SGK1: variants seen among roughly 807,000 people sequenced by gnomAD.
The protein encoded by SGK1 is serine/threonine-protein kinase Sgk1.
SGK1 carries 26 observed loss-of-function variants against 64.2 expected under a neutral mutation model. The ratio of observed to expected loss-of-function variants is 0.40; its 90% CI spans 0.30 to 0.56. The LOEUF is 0.56. Among genes scored for constraint, SGK1 ranks in the 20% least tolerant of loss-of-function variants. SGK1 has a pLI of 0.38. For missense variants in SGK1, 519 were observed against 645.6 expected, an observed-to-expected ratio of 0.80 and a Z score of 2.12; for synonymous variants, 265 against 239.7, an observed-to-expected ratio of 1.11 and a Z score of -0.98.
chr6:134,294,515 T>C (rs1186740706), intron 1 of SGK1, among the ~76,000 whole-genome samples: 1 of 152,168 alleles, frequency 6.6e-6, no homozygotes, highest in African/African-American at 2.4e-5. Flanking sequence ...TGACCAAGTA[T>C]TTTACTTATA....
intron 2 of SGK1, among the ~76,000 whole-genome samples, chr6:134,251,059 G>C (rs925509180): frequency 6.6e-6 from 1 of 152,170 alleles, no homozygotes; most frequent in Non-Finnish European, 1.5e-5. Context: ...TTACAGGTGT[G>C]AGCCATTGCA....
At chr6:134,219,674 C>T (rs570372302) in intron 2 of SGK1, among the ~76,000 whole-genome samples, 6 of 140,190 alleles carry the variant, frequency 4.3e-5, no homozygotes, top group African/African-American at 1.6e-4. Flanking sequence ...GCAGGAGAAT[C>T]GCTTGAATGA....
At chr6:134,207,082 T>C (rs965025055) in intron 3 of SGK1, among the ~76,000 whole-genome samples, 6 of 151,224 alleles carry the variant, frequency 4.0e-5, no homozygotes, top group Non-Finnish European at 4.4e-5. Flanking sequence ...AAAAATTAGC[T>C]GGGCATGGTG....
Position 134,317,509 on chromosome 6 carries a change from T to C in SGK1, c.-49A>G, listed in dbSNP as rs1777704648. The C allele has an allele frequency of 2.7e-6, 3 of 1,113,018 alleles. No individual in the cohort carries two copies. Among genetic ancestry groups the C allele is most frequent in the Non-Finnish European group, 4.2e-6 (3 of 721,974 alleles). 68.9% of individuals were successfully genotyped at this position (1,113,018 alleles called of 1,614,324 possible). ...TTATAGATCCAGGTTGGCACCCGCC[T>C]GGTTAGTGCATATCTGTTTCCCCGG... On this transcript the variant is annotated 5_prime_UTR_variant, in exon 1 of 14. Coordinates refer to ENST00000367858, the MANE Select transcript of SGK1 (RefSeq NM_001143676.3).
chr6:134,256,454 C>T (rs1301396445), intron 2 of SGK1, among the ~76,000 whole-genome samples: 2 of 152,160 alleles, frequency 1.3e-5, no homozygotes, highest in East Asian at 1.9e-4. Context: ...CATCTTGATA[C>T]GATCCTATGT....
At chr6:134,254,603 C>T (rs1438946460) in intron 2 of SGK1, among the ~76,000 whole-genome samples, 1 of 152,142 alleles carries the variant, frequency 6.6e-6, no homozygotes, top group South Asian at 2.1e-4. Flanking sequence ...TCCTCCTTGA[C>T]TCATCTCCTC....
chr6:134,264,413 C>A (rs1385932225), intron 1 of SGK1, among the ~76,000 whole-genome samples: 1 of 152,100 alleles, frequency 6.6e-6, no homozygotes, highest in East Asian at 1.9e-4. Flanking sequence ...GCCACTGCGC[C>A]TGGCCATGAG....
chr6:134,204,812 C>T (rs925238247), intron 3 of SGK1, among the ~76,000 whole-genome samples: 2 of 152,152 alleles, frequency 1.3e-5, no homozygotes, highest in East Asian at 3.9e-4. Flanking sequence ...CCTTGGCCCC[C>T]CAAAGTGCTG....
At chr6:134,223,569 G>T (rs945796432) in intron 2 of SGK1, among the ~76,000 whole-genome samples, 9 of 152,040 alleles carry the variant, frequency 5.9e-5, no homozygotes, top group Non-Finnish European at 1.0e-4. Flanking sequence ...AATAGAAATC[G>T]GGATTTGGAT....
chr6:134,195,001 T>C (rs1775575788), intron 3 of SGK1, among the ~76,000 whole-genome samples: 1 of 152,222 alleles, frequency 6.6e-6, no homozygotes, highest in African/African-American at 2.4e-5. Flanking sequence ...CCATATTAGT[T>C]TGATTCAAAA....
At chr6:134,242,492 A>C (rs1300878069) in intron 2 of SGK1, among the ~76,000 whole-genome samples, 3 of 152,138 alleles carry the variant, frequency 2.0e-5, no homozygotes, top group Non-Finnish European at 4.4e-5. Context: ...TCTCAAAAAA[A>C]AAAAAGAATT....
At chr6:134,220,058 C>CAAAAAAAAAAAAAAAAA (rs55870107) in intron 2 of SGK1, among the ~76,000 whole-genome samples, 9 of 61,352 alleles carry the variant, frequency 1.5e-4, no homozygotes, top group African/African-American at 5.4e-4. Context: ...GACTCCGTCT[C>CAAAAAAAAAAAAAAAAA]AAAAAAAAAA....
At chr6:134,246,436 T>A (rs552535822) in intron 2 of SGK1, among the ~76,000 whole-genome samples, 1 of 151,710 alleles carries the variant, frequency 6.6e-6, no homozygotes, top group African/African-American at 2.4e-5. Flanking sequence ...GGATTACAGG[T>A]GTGAACCACC....
chr6:134,316,966 T>C (rs1341193453), intron 1 of SGK1, among the ~76,000 whole-genome samples: 1 of 152,104 alleles, frequency 6.6e-6, no homozygotes, highest in East Asian at 1.9e-4. Context: ...AAGATGATAA[T>C]GCATCACTTG....
At chr6:134,172,986 G>C (rs368058037) in intron 8 of SGK1, 37 bp downstream of exon 8, 122 of 1,588,118 alleles carry the variant, frequency 7.7e-5, no homozygotes, top group Admixed American at 1.1e-4. Flanking sequence ...AGGCTGTGCA[G>C]AGACACTAAG....
chr6:134,208,100 C>T (rs528907035), intron 2 of SGK1, among the ~76,000 whole-genome samples: 10 of 152,106 alleles, frequency 6.6e-5, no homozygotes, highest in Non-Finnish European at 1.3e-4. Context: ...TTAGCAGAGA[C>T]GGGGTTTCAC....
At chr6:134,312,283 T>C (rs780499725) in intron 1 of SGK1, among the ~76,000 whole-genome samples, 1 of 152,208 alleles carries the variant, frequency 6.6e-6, no homozygotes, top group Non-Finnish European at 1.5e-5. Flanking sequence ...GTTATCCCTC[T>C]GAGAAGACAT....
intron 7 of SGK1, 27 bp from the exon 8 acceptor site, chr6:134,173,181 T>C: frequency 1.2e-6 from 2 of 1,611,052 alleles, no homozygotes; most frequent in Non-Finnish European, 1.7e-6. Context: ...TCAGATTTAG[T>C]GGCATGTTTC....
At chr6:134,214,103 T>C (rs1456059615) in intron 2 of SGK1, among the ~76,000 whole-genome samples, 1 of 151,894 alleles carries the variant, frequency 6.6e-6, no homozygotes, top group African/African-American at 2.4e-5. Flanking sequence ...TTTTTTTTTG[T>C]AGAGACGGGG....
Sources: allele counts gnomAD v4.1 joint callset (sites outside exome capture counted in the v4.1 genomes callset), GRCh38; gene constraint gnomAD v4.1.1; transcripts MANE v1.5; gene names NCBI Gene and HGNC (gene_info 2026-07-23, HGNC 2026-07-21).